CAMK1D: variants seen among roughly 807,000 people sequenced by gnomAD.
The protein encoded by CAMK1D is calcium/calmodulin-dependent protein kinase type 1D.
Under a neutral mutation model 47.7 loss-of-function variants are expected in CAMK1D, and 9 were observed. The observed-to-expected ratio is 0.19, with a 90% CI of 0.11 to 0.33. CAMK1D has a LOEUF of 0.33. CAMK1D is among the 10% of genes least tolerant of loss of function. The pLI, the probability that CAMK1D is intolerant of heterozygous loss-of-function variation, is 1.00. For synonymous variants in CAMK1D, 184 were observed against 184.9 expected (o/e 0.99, Z 0.04); for missense variants, 291 against 488.7 (o/e 0.60, Z 3.81).
intron 1 of CAMK1D, among the ~76,000 whole-genome samples, chr10:12,447,355 C>A (rs1283569152): frequency 6.6e-6 from 1 of 152,112 alleles, no homozygotes; most frequent in Non-Finnish European, 1.5e-5. Flanking sequence ...TGATGAGAGG[C>A]CTCTGCTGGC....
chr10:12,410,436 A>C (rs563401916), intron 1 of CAMK1D, among the ~76,000 whole-genome samples: 26 of 152,310 alleles, frequency 1.7e-4, no homozygotes, highest in African/African-American at 5.3e-4. Context: ...TACCTCCTGA[A>C]GGTGTTGACA....
intron 1 of CAMK1D, 77 bp downstream of exon 1, chr10:12,349,987 G>C (rs1224890978): frequency 1.4e-6 from 1 of 701,418 alleles, no homozygotes; most frequent in Admixed American, 3.8e-5. Flanking sequence ...TGCCGCCGCC[G>C]CCACTACCGC....
At chr10:12,570,993 T>C (rs1365053514) in intron 2 of CAMK1D, among the ~76,000 whole-genome samples, 1 of 152,048 alleles carries the variant, frequency 6.6e-6, no homozygotes, top group Non-Finnish European at 1.5e-5. Flanking sequence ...GTCAGTGTTG[T>C]AGGTCTCACA....
chr10:12,783,502 A>G (rs1276498244), intron 5 of CAMK1D, among the ~76,000 whole-genome samples: 2 of 152,030 alleles, frequency 1.3e-5, no homozygotes, highest in African/African-American at 2.4e-5. Flanking sequence ...CGTTTCCTCC[A>G]CCCTCTCAGC....
intron 2 of CAMK1D, among the ~76,000 whole-genome samples, chr10:12,633,749 G>A (rs1839442339): frequency 6.6e-6 from 1 of 151,682 alleles, no homozygotes; most frequent in South Asian, 2.1e-4. Context: ...TGGAGATGGG[G>A]TCTCTCTATG....
intron 1 of CAMK1D, among the ~76,000 whole-genome samples, chr10:12,551,263 C>G (rs1284056996): frequency 2.0e-5 from 3 of 152,132 alleles, no homozygotes; most frequent in Non-Finnish European, 4.4e-5. Flanking sequence ...AGCGTGAGCC[C>G]TATTGTGAAC....
chr10:12,472,346 G>T (rs1466080450), intron 1 of CAMK1D, among the ~76,000 whole-genome samples: 2 of 151,996 alleles, frequency 1.3e-5, no homozygotes, highest in Non-Finnish European at 1.5e-5. Context: ...TTCCTCATGT[G>T]CCTTGAGCTT....
intron 3 of CAMK1D, among the ~76,000 whole-genome samples, chr10:12,720,673 G>A (rs1243634840): frequency 6.6e-6 from 1 of 152,182 alleles, no homozygotes; most frequent in Non-Finnish European, 1.5e-5. Context: ...GGAAATAGGA[G>A]CCCTTCAACC....
chr10:12,566,724 AG>A (rs1202952603), intron 2 of CAMK1D, among the ~76,000 whole-genome samples: 1 of 152,228 alleles, frequency 6.6e-6, no homozygotes, highest in African/African-American at 2.4e-5. Context: ...AGCCTCTTTC[AG>A]GAGAATGCGG....
At chr10:12,810,063 G>A (rs1832536528) in intron 6 of CAMK1D, among the ~76,000 whole-genome samples, 1 of 150,894 alleles carries the variant, frequency 6.6e-6, no homozygotes, top group East Asian at 2.0e-4. Context: ...CAGGAGGATG[G>A]CTTGAGTCTG....
At chr10:12,809,390 C>G (rs1290401572) in intron 6 of CAMK1D, among the ~76,000 whole-genome samples, 1 of 152,172 alleles carries the variant, frequency 6.6e-6, no homozygotes, top group Non-Finnish European at 1.5e-5. Flanking sequence ...CATATATAAT[C>G]TAGCAATTCC....
intron 2 of CAMK1D, among the ~76,000 whole-genome samples, chr10:12,589,105 C>T (rs1310717281): frequency 6.6e-6 from 1 of 152,012 alleles, no homozygotes; most frequent in Non-Finnish European, 1.5e-5. Context: ...AGGCTTAAGC[C>T]ATCCTCCTGT....
intron 2 of CAMK1D, among the ~76,000 whole-genome samples, chr10:12,573,872 C>G: frequency 9.3e-6 from 1 of 107,610 alleles, no homozygotes; most frequent in Non-Finnish European, 1.7e-5. Context: ...GATGGGGTCT[C>G]ACTCTGCTAC....
intron 1 of CAMK1D, among the ~76,000 whole-genome samples, chr10:12,429,192 G>T (rs1840355306): frequency 6.6e-6 from 1 of 152,078 alleles, no homozygotes; most frequent in Non-Finnish European, 1.5e-5. Flanking sequence ...TGGTCTCAGG[G>T]CCTCACACAC....
intron 1 of CAMK1D, among the ~76,000 whole-genome samples, chr10:12,425,462 A>G (rs1358799108): frequency 6.6e-6 from 1 of 151,862 alleles, no homozygotes; most frequent in Non-Finnish European, 1.5e-5. Flanking sequence ...TTGTATTTTT[A>G]GTAGAGACGG....
intron 3 of CAMK1D, among the ~76,000 whole-genome samples, chr10:12,688,845 G>A (rs1447433775): frequency 2.0e-5 from 3 of 152,036 alleles, no homozygotes; most frequent in Non-Finnish European, 4.4e-5. Context: ...CACCATGCCC[G>A]ACTCATTTTT....
chr10:12,519,318 G>A lies in CAMK1D; in HGVS notation c.93-33907G>A, dbSNP rs1461425731. Among the ~76,000 whole-genome samples the A allele has an allele frequency of 4.0e-5, 2 of 50,234 alleles. 1 individual carries two copies. The highest frequency in any genetic ancestry group is 8.2e-5 in the Non-Finnish European group (2 of 24,434). 33.0% of individuals were successfully genotyped at this position (50,234 alleles called of 152,430 possible). A position where few individuals can be genotyped will look rare whatever the true frequency, so the allele number is the denominator to read the frequency against. On this transcript the variant is annotated intron_variant, in intron 1 of 10. Transcript: ENST00000619168. ...TCCTCACTTCCCAGTAGGGGCGGCC[G>A]GGCAGAGGCGCCCCTCACCTCCCGG...
In CAMK1D at chr10:12,828,777, C is replaced by T. The variant is rs762520208; in HGVS notation, c.1048C>T (p.Pro350Ser). 1 of 1,613,604 alleles carries T rather than the reference C, an allele frequency of 6.2e-7. No individual in the cohort carries two copies. The highest frequency in any genetic ancestry group is 8.5e-7 in the Non-Finnish European group (1 of 1,179,670). The change falls in exon 11 of 11, where the codon CCT becomes TCT. Residue 350 changes from proline to serine, a missense_variant. Physicochemically the swap from Pro to Ser is moderately conservative, Grantham distance 74. This residue lies in a region of CAMK1D where 72 missense variants were observed against 64.4 expected (regional missense o/e 1.12). Transcript: ENST00000619168. ...SLASQKDCLA[P>S]STLCSFISSS... ...TCTGCTGTTCCCTGCAGGTCTGGCA[C>T]CTTCCACGCTCTGTAGTTTCATTTC...
intron 1 of CAMK1D, among the ~76,000 whole-genome samples, chr10:12,385,988 C>T (rs1838483767): frequency 6.6e-6 from 1 of 152,162 alleles, no homozygotes; most frequent in South Asian, 2.1e-4. Context: ...TCAGGTGATC[C>T]ACCTGCCTTG....
Sources: gnomAD v4.1 joint callset for allele counts (sites outside exome capture counted in the v4.1 genomes callset) on GRCh38, gnomAD v4.1.1 for gene constraint, gnomAD v4.1.1 regional missense constraint, MANE v1.5 for transcripts, NCBI Gene and HGNC (gene_info 2026-07-23, HGNC 2026-07-21) for gene names.